EVL: variants seen among roughly 807,000 people sequenced by gnomAD.
The protein encoded by EVL is ena/VASP-like protein.
In EVL, 21 loss-of-function variants were observed where a neutral mutation model predicts 59.6. The ratio of observed to expected loss-of-function variants is 0.35; its 90% CI spans 0.25 to 0.51. EVL has a LOEUF of 0.51. Ranked by LOEUF, EVL falls within the 20% of genes least tolerant of loss-of-function variation. The pLI, the probability that EVL is intolerant of heterozygous loss-of-function variation, is 0.97. For synonymous variants in EVL, 198 were observed against 203.5 expected (o/e 0.97, Z 0.23); for missense variants, 462 against 546.6 (o/e 0.85, Z 1.54).
rs1165944258 is a variant in EVL at position 100,130,156 on chromosome 14, G to A, written c.839+472G>A. Among the ~76,000 whole-genome samples the A allele has an allele frequency of 5.3e-5, 8 of 152,218 alleles. No individual in the cohort carries two copies. Among genetic ancestry groups the A allele is most frequent in the African/African-American group, 1.7e-4 (7 of 41,458 alleles). On this transcript the variant is annotated intron_variant, in intron 7 of 13. Transcript: ENST00000392920. The surrounding 1 kb of genome is among the most constrained non-coding windows in gnomAD (Gnocchi z 4.8). The stretch of plus-strand genomic sequence containing the variant: ...GAGTTATGAAGGGTAGGAGCCCAGA[G>A]GGCATTGCCCTGAGCGACGGAGAGA...
intron 1 of EVL, among the ~76,000 whole-genome samples, chr14:100,073,811 T>G: frequency 6.6e-6 from 1 of 152,028 alleles, no homozygotes; most frequent in South Asian, 2.1e-4. Context: ...TAGGGCCCAG[T>G]TACTAGAGCT....
rs1887191271 is a variant in EVL, at chr14:100,114,309, A to G, written c.359-9230A>G. Among the ~76,000 whole-genome samples the G allele has an allele frequency of 6.6e-6, 1 of 151,836 alleles. No homozygotes were observed. Among genetic ancestry groups the G allele is most frequent in the Admixed American group, 6.6e-5 (1 of 15,246 alleles). ...CTTGCTCCCTTCTGACGCCACACCT[A>G]CCCTGTTCCATCCCATTGCCCACAG... On this transcript the variant is annotated intron_variant, in intron 3 of 13. Coordinates refer to ENST00000392920, the MANE Select transcript of EVL (RefSeq NM_016337.3). This position sits in a 1 kb window ranked among gnomAD's most constrained non-coding sequence, Gnocchi z 5.0.
intron 1 of EVL, among the ~76,000 whole-genome samples, chr14:100,066,717 C>T (rs756282235): frequency 3.9e-5 from 6 of 152,138 alleles, no homozygotes; most frequent in South Asian, 4.1e-4. Context: ...CTTATTCTAC[C>T]GTGTCAATTA....
At chr14:100,096,987 A>G (rs1384674666) in intron 2 of EVL, 1 of 156,812 alleles carries the variant, frequency 6.4e-6, no homozygotes. Flanking sequence ...GCAGAGGGCT[A>G]TAGGAGGCAT....
intron 1 of EVL, among the ~76,000 whole-genome samples, chr14:100,068,866 C>T (rs1379195295): frequency 2.0e-5 from 3 of 152,066 alleles, no homozygotes; most frequent in African/African-American, 2.4e-5. Flanking sequence ...GCTGAGGTCG[C>T]GGTGCAGCAG....
intron 1 of EVL, among the ~76,000 whole-genome samples, chr14:100,040,758 C>T (rs2061456323): frequency 1.3e-5 from 2 of 152,166 alleles, no homozygotes; most frequent in African/African-American, 4.8e-5. Context: ...GCTCTGAGAG[C>T]TTTCATAAAT....
intron 2 of EVL, among the ~76,000 whole-genome samples, chr14:100,089,186 A>G (rs942161719): frequency 3.3e-5 from 5 of 152,276 alleles, no homozygotes; most frequent in African/African-American, 1.2e-4. Flanking sequence ...TCAGAAGCAT[A>G]GTTGGAGATT....
chr14:100,041,059 A>G (rs1272962590), intron 1 of EVL, among the ~76,000 whole-genome samples: 1 of 152,204 alleles, frequency 6.6e-6, no homozygotes, highest in African/African-American at 2.4e-5. Context: ...TTAATAATAT[A>G]TTAATACATA....
At chr14:100,111,917 A>T (rs1431939991) in intron 3 of EVL, among the ~76,000 whole-genome samples, 1 of 152,122 alleles carries the variant, frequency 6.6e-6, no homozygotes, top group Non-Finnish European at 1.5e-5. Context: ...CTCTCAAAAG[A>T]CCCTGCTCAG....
chr14:100,139,051 G>A (rs909444539), intron 11 of EVL: 1 of 152,400 alleles, frequency 6.6e-6, no homozygotes, highest in African/African-American at 2.4e-5. Flanking sequence ...TTCATGCGCA[G>A]GGCCCAGTCA....
intron 1 of EVL, among the ~76,000 whole-genome samples, chr14:100,082,318 A>G (rs2062329219): frequency 6.6e-6 from 1 of 152,146 alleles, no homozygotes; most frequent in South Asian, 2.1e-4. Context: ...TCTACTGGTC[A>G]GACTAAGCCT....
intron 1 of EVL, among the ~76,000 whole-genome samples, chr14:100,060,000 C>G (rs1234096063): frequency 1.3e-5 from 2 of 152,060 alleles, no homozygotes; most frequent in Non-Finnish European, 2.9e-5. Context: ...AGTCAGTAGA[C>G]CCTGAAATGC....
At chr14:100,045,266 C>G (rs1395909432) in intron 1 of EVL, among the ~76,000 whole-genome samples, 2 of 152,230 alleles carry the variant, frequency 1.3e-5, no homozygotes, top group African/African-American at 4.8e-5. Context: ...GTTCCTGGCA[C>G]CTCTTCCTGG....
chr14:100,050,431 A>C (rs982017334), intron 1 of EVL, among the ~76,000 whole-genome samples: 11 of 149,800 alleles, frequency 7.3e-5, no homozygotes, highest in African/African-American at 2.7e-4. Flanking sequence ...CTCACTGCCA[A>C]CTCCACCTCC....
chr14:100,057,646 C>CT (rs1253852200), intron 1 of EVL, among the ~76,000 whole-genome samples: 1 of 152,112 alleles, frequency 6.6e-6, no homozygotes, highest in South Asian at 2.1e-4. Flanking sequence ...GAAAAGGCAA[C>CT]TTTTAGCGTC....
At position 99,984,847 on chromosome 14, in the gene EVL, C is replaced by T. The variant is rs1362321370; in HGVS notation, c.5+12790C>T. On this transcript the variant is annotated intron_variant, in intron 1 of 13. Transcript: ENST00000402714. ...GCCAGGCTGGTCTCGAACTCCTGACCTCAGGTGATCCACCCACCTGGACCT... is the reference window on the plus strand; with the variant it reads ...GCCAGGCTGGTCTCGAACTCCTGACTTCAGGTGATCCACCCACCTGGACCT... Among the ~76,000 whole-genome samples, 3 of 152,230 alleles carry T rather than the reference C, an allele frequency of 2.0e-5. No individual in the cohort carries two copies. In the East Asian group the frequency reaches 5.8e-4, roughly 29 times the overall value.
chr14:100,068,964 CT>C (rs978357174), intron 1 of EVL, among the ~76,000 whole-genome samples: 4 of 152,118 alleles, frequency 2.6e-5, no homozygotes, highest in Non-Finnish European at 5.9e-5. Context: ...TCTCTGTTGT[CT>C]TTGGTAGGCT....
rs780082762 is a variant in EVL, at chr14:100,128,603, C to T, written c.572C>T (p.Pro191Leu). ...GGGCCTCCACCGCCCCCCCCACCCC[C>T]AGTCCCACCTCCACCCACTGGGGCT... ...CSGPPPPPPP[P>L]VPPPPTGATP... Residue 191 changes from proline (P) to leucine (L), a missense_variant, in exon 6 of 14, where the codon CCA becomes CTA. Coordinates refer to ENST00000392920, the MANE Select transcript of EVL (RefSeq NM_016337.3). 2.8e-5 allele frequency: 40 copies of T among 1,413,742 alleles called. No individual in the cohort carries two copies. The highest frequency in any genetic ancestry group is 3.5e-5 in the Non-Finnish European group (36 of 1,036,090). The allele number at this position is 1,413,742 out of a possible 1,614,324, so 87.6% of individuals were successfully genotyped here. A position where few individuals can be genotyped will look rare whatever the true frequency, so the allele number is the denominator to read the frequency against.
chr14:100,028,142 T>TTTG (rs2061249869), intron 1 of EVL, among the ~76,000 whole-genome samples: 1 of 144,336 alleles, frequency 6.9e-6, no homozygotes, highest in African/African-American at 2.6e-5. Context: ...TTGTTTTTTT[T>TTTG]TTTTTTTTTG....
Sources: gnomAD v4.1 joint callset for allele counts (sites outside exome capture counted in the v4.1 genomes callset) on GRCh38, gnomAD v4.1.1 for gene constraint, Gnocchi (gnomAD v3.1) non-coding constraint, MANE v1.5 for transcripts, NCBI Gene and HGNC (gene_info 2026-07-23, HGNC 2026-07-21) for gene names.